The following HSP90AA1 variants were observed in gnomAD, a reference collection of about 807,000 sequenced individuals.
HSP90AA1 encodes the protein heat shock protein HSP 90-alpha.
A neutral mutation model predicts 73.3 loss-of-function variants in HSP90AA1; 18 were observed. The ratio of observed to expected loss-of-function variants is 0.25; its 90% CI spans 0.17 to 0.36. The LOEUF (loss-of-function observed/expected upper bound fraction) is 0.36, where lower values mean the gene tolerates loss of function less well. Ranked by LOEUF, HSP90AA1 falls within the 10% of genes least tolerant of loss-of-function variation. The pLI, the probability that HSP90AA1 is intolerant of heterozygous loss-of-function variation, is 1.00. For synonymous variants in HSP90AA1, 477 were observed against 296.9 expected, an observed-to-expected ratio of 1.61 and a Z score of -6.24; for missense variants, 704 against 874.2, an observed-to-expected ratio of 0.81 and a Z score of 2.45.
At chr14:102,125,521 T>C (rs1406049620) in intron 1 of HSP90AA1, among the ~76,000 whole-genome samples, 2 of 152,096 alleles carry the variant, frequency 1.3e-5, no homozygotes, top group Non-Finnish European at 2.9e-5. Flanking sequence ...GAGTGAACAA[T>C]GGGCATGCTA....
At chr14:102,106,996 TTTAAAG>T (rs1190113228) in intron 1 of HSP90AA1, among the ~76,000 whole-genome samples, 1 of 152,054 alleles carries the variant, frequency 6.6e-6, no homozygotes, top group Non-Finnish European at 1.5e-5. Context: ...AAAAAAGGTC[TTTAAAG>T]TTATTCTTAG....
At position 102,085,167 on chromosome 14, in the gene HSP90AA1, A is replaced by C. The variant is rs1336526560; in HGVS notation, c.663+131T>G. Reference sequence around the variant, plus strand: ...ACTTAATAGCCCGAGGAACTTTTACAGAGTTAGGTAGTAGAGCTTAGGTTC... The same window carrying C: ...ACTTAATAGCCCGAGGAACTTTTACCGAGTTAGGTAGTAGAGCTTAGGTTC... On this transcript the variant is annotated intron_variant, in intron 4 of 10. Coordinates refer to ENST00000216281, the MANE Select transcript of HSP90AA1 (RefSeq NM_005348.4). The C allele has an allele frequency of 7.0e-6, 10 of 1,422,312 alleles. No homozygotes were observed. The Admixed American group carries it at 1.6e-4, about 23-fold the overall frequency. 88.1% of individuals were successfully genotyped at this position (1,422,312 alleles called of 1,614,324 possible).
chr14:102,134,295 C>G (rs1160648994), intron 1 of HSP90AA1, among the ~76,000 whole-genome samples: 4 of 129,690 alleles, frequency 3.1e-5, no homozygotes, highest in Non-Finnish European at 4.7e-5. Context: ...ACTACTCAAA[C>G]CTGGGCGACA....
rs770874389 is a variant in HSP90AA1, at chr14:102,081,789, TATC to T, written c.2119_2121del (p.Asp707del). 22 of 1,578,962 alleles carry T rather than the reference TATC, an allele frequency of 1.4e-5. No individual in the cohort carries two copies. The highest frequency in any genetic ancestry group is 5.0e-5 in the Admixed American group (3 of 59,946). ...ATTTCTTCAGTTACAGCAGCACTGG[TATC>T]ATCAGCAGTAGGGTCATCTTCATCA... On this transcript the variant is annotated inframe_deletion, in exon 11 of 11. Coordinates refer to ENST00000216281, the MANE Select transcript of HSP90AA1 (RefSeq NM_005348.4).
At chr14:102,086,565 G>A (rs932497828) in intron 1 of HSP90AA1, among the ~76,000 whole-genome samples, 187 bp from the exon 2 acceptor site, 1 of 152,078 alleles carries the variant, frequency 6.6e-6, no homozygotes, top group Admixed American at 6.5e-5. Context: ...CCACGAGCGT[G>A]TGCGCGCTTC....
At chr14:102,084,207 G>A (rs1413563550) in intron 6 of HSP90AA1, 192 bp downstream of exon 6, 1 of 677,446 alleles carries the variant, frequency 1.5e-6, no homozygotes, top group Admixed American at 2.6e-5. Flanking sequence ...CCACTACATG[G>A]GGCTAATTTT....
At chr14:102,096,334 C>T (rs2049423788) in intron 2 of HSP90AA1, among the ~76,000 whole-genome samples, 1 of 152,174 alleles carries the variant, frequency 6.6e-6, no homozygotes, top group Non-Finnish European at 1.5e-5. Flanking sequence ...CCCCTCCCTC[C>T]AGCCTCCAGG....
At chr14:102,084,611 G>T (rs2049178318) in intron 5 of HSP90AA1, 47 bp from the exon 6 acceptor site, 3 of 1,614,162 alleles carry the variant, frequency 1.9e-6, no homozygotes, top group South Asian at 1.1e-5. Flanking sequence ...ATGCATTATA[G>T]AAGATATTTG....
chr14:102,113,269 C>T (rs2049664142), intron 1 of HSP90AA1, among the ~76,000 whole-genome samples: 1 of 152,132 alleles, frequency 6.6e-6, no homozygotes, highest in Admixed American at 6.6e-5. Context: ...GGCAATCTGC[C>T]CGCCTTGGCC....
At position 102,081,331 on chromosome 14, in the gene HSP90AA1, T is replaced by C. The variant is rs2049093225; in HGVS notation, c.*381A>G. The C allele has an allele frequency of 3.0e-6, 1 of 330,060 alleles. No individual in the cohort carries two copies. The highest frequency in any genetic ancestry group is 5.6e-6 in the Non-Finnish European group (1 of 177,210). The allele number at this position is 330,060 out of a possible 1,614,324, so 20.4% of individuals were successfully genotyped here. A position where few individuals can be genotyped will look rare whatever the true frequency, so the allele number is the denominator to read the frequency against. The stretch of plus-strand genomic sequence containing the variant: ...AGTTCAAAAAGTAGATCCTACAAGA[T>C]GTAACGAATACTTTTCTAAACATCA... On this transcript the variant is annotated 3_prime_UTR_variant, in exon 11 of 11. Coordinates refer to ENST00000216281, the MANE Select transcript of HSP90AA1 (RefSeq NM_005348.4).
At chr14:102,139,280 G>A (rs1329349492) in exon 1 of HSP90AA1, 28 of 1,613,990 alleles carry the variant, frequency 1.7e-5, no homozygotes, top group African/African-American at 2.7e-5. Context: ...GGAGGCTTCA[G>A]AGGGGCTTCC....
chr14:102,129,880 T>C (rs1208613090), intron 1 of HSP90AA1, among the ~76,000 whole-genome samples: 1 of 152,200 alleles, frequency 6.6e-6, no homozygotes, highest in Non-Finnish European at 1.5e-5. Flanking sequence ...ATTCATTAGT[T>C]GATGGGCATT....
At chr14:102,093,422 C>A (rs980631714) in intron 2 of HSP90AA1, among the ~76,000 whole-genome samples, 7 of 149,064 alleles carry the variant, frequency 4.7e-5, no homozygotes, top group Non-Finnish European at 1.0e-4. Flanking sequence ...GGCAAGAGAA[C>A]CGCTTAAACC....
At chr14:102,129,597 G>A (rs1447938242) in intron 1 of HSP90AA1, among the ~76,000 whole-genome samples, 1 of 151,702 alleles carries the variant, frequency 6.6e-6, no homozygotes, top group Non-Finnish European at 1.5e-5. Context: ...CCGCCTCCCG[G>A]GTTCAAGCAA....
chr14:102,088,568 G>C (rs542973985), upstream of HSP90AA1, among the ~76,000 whole-genome samples: 1 of 152,226 alleles, frequency 6.6e-6, no homozygotes, highest in Admixed American at 6.5e-5. Flanking sequence ...CACGTGGCGC[G>C]GGCCCCAGCG....
chr14:102,087,447 T>C (rs1211202762), upstream of HSP90AA1, among the ~76,000 whole-genome samples: 5 of 151,690 alleles, frequency 3.3e-5, no homozygotes, highest in Non-Finnish European at 5.9e-5. Flanking sequence ...GTGTAGTTGG[T>C]CACCCGGGCT....
chr14:102,102,095 T>C (rs772602984), intron 1 of HSP90AA1: 3 of 1,610,622 alleles, frequency 1.9e-6, no homozygotes, highest in East Asian at 2.2e-5. Context: ...GCTGGGAACA[T>C]AAACACAATC....
At chr14:102,085,076 T>G in intron 4 of HSP90AA1, 78 bp from the exon 5 acceptor site, 1 of 1,609,012 alleles carries the variant, frequency 6.2e-7, no homozygotes, top group Non-Finnish European at 8.5e-7. Context: ...ATTTTCAACC[T>G]AAGGCCCAAG....
At chr14:102,089,347 A>C (rs893927029), upstream of HSP90AA1, among the ~76,000 whole-genome samples, 2 of 152,074 alleles carry the variant, frequency 1.3e-5, no homozygotes, top group Admixed American at 6.6e-5. Flanking sequence ...GTCAGGCCCC[A>C]TCTTTAATGT....
Sources: gnomAD v4.1 joint callset for allele counts (sites outside exome capture counted in the v4.1 genomes callset) on GRCh38, gnomAD v4.1.1 for gene constraint, MANE v1.5 for transcripts, NCBI Gene and HGNC (gene_info 2026-07-23, HGNC 2026-07-21) for gene names.